DNAH17: variants seen among roughly 807,000 people sequenced by gnomAD.
The protein encoded by DNAH17 is dynein axonemal heavy chain 17.
Under a neutral mutation model 485.6 loss-of-function variants are expected in DNAH17, and 376 were observed. The observed-to-expected ratio is 0.77, with a 90% confidence interval of 0.71 to 0.84. The LOEUF is 0.84. Among genes scored for constraint, DNAH17 ranks in the 40% least tolerant of loss-of-function variants. The probability of loss-of-function intolerance (pLI) is 0.00; values close to 1 mark genes in which losing one functional copy is unlikely to be tolerated. For missense variants in DNAH17, 6,370 were observed against 5,839.3 expected, an observed-to-expected ratio of 1.09 and a Z score of -2.96; for synonymous variants, 3,031 against 2,405.9, an observed-to-expected ratio of 1.26 and a Z score of -7.60.
At position 78,437,803 on chromosome 17, in the gene DNAH17, G is replaced by A. The variant is rs2086900189; in HGVS notation, c.11871C>T (p.Gly3957=). The change falls in exon 74 of 81, where the codon GGC becomes GGT. Residue 3957 remains glycine (G), a synonymous_variant. Transcript: ENST00000389840. ...LDKKLEHYST[G]SHEDYRVFIS... ...TGAACACCCGGTAGTCCTCATGGCT[G>A]CCCGTGCTGTAGTGCTCCAGCTTCT... 1.9e-6 allele frequency: 3 copies of A among 1,612,408 alleles called. No homozygotes were observed. The highest frequency in any genetic ancestry group is 4.5e-5 in the East Asian group (2 of 44,904).
chr17:78,466,745 G>A lies in DNAH17; in HGVS notation c.8850C>T (p.Asn2950=). 4 of 1,612,716 alleles carry A rather than the reference G, an allele frequency of 2.5e-6. No homozygotes were observed. The highest frequency in any genetic ancestry group is 3.4e-6 in the Non-Finnish European group (4 of 1,179,470). The change falls in exon 56 of 81, where the codon AAC becomes AAT. Residue 2950 remains asparagine, a synonymous_variant. Coordinates refer to ENST00000389840, the MANE Select transcript of DNAH17 (RefSeq NM_173628.4). ...VRARKFPAVV[N]CTAIDWFHEW... is the part of the protein sequence containing the mutation. ...CGTGGAACCAGTCGATGGCCGTGCA[G>A]TTGACCACAGCTGGGAACTTTCTGG...
chr17:78,543,718 T>A lies in DNAH17; in HGVS notation c.2532+139A>T, dbSNP rs375262296. On this transcript the variant is annotated intron_variant, in intron 17 of 80. Coordinates refer to ENST00000389840, the MANE Select transcript of DNAH17 (RefSeq NM_173628.4). ...GGGATTACAGGTGAGAGCCACTGCA[T>A]CCAGCCAGGTCACAGACTTCTATGA... is the stretch of plus-strand genomic sequence containing the variant. 8.3e-6 allele frequency: 11 copies of A among 1,324,292 alleles called. No homozygotes were observed. The African/African-American group carries it at 1.2e-4, about 14-fold the overall frequency. 82.0% of individuals were successfully genotyped at this position (1,324,292 alleles called of 1,614,324 possible).
In DNAH17 at chr17:78,495,880, T is replaced by C; in HGVS notation, c.5898A>G (p.Leu1966=). The C allele has an allele frequency of 6.2e-7, 1 of 1,613,068 alleles. No individual in the cohort carries two copies. The highest frequency in any genetic ancestry group is 8.5e-7 in the Non-Finnish European group (1 of 1,179,424). Reference sequence around the variant, plus strand: ...CTTTCACCTGGGCCACGTACCTGAATAAGGCTTTTAGGTTCTCAGGCAGCT... The same window carrying C: ...CTTTCACCTGGGCCACGTACCTGAACAAGGCTTTTAGGTTCTCAGGCAGCT... ...RAELPENLKA[L]FRPCAMVVPD... is the part of the protein sequence containing the mutation. Residue 1966 remains leucine (L), a synonymous_variant, in exon 38 of 81, where the codon TTA becomes TTG. Transcript: ENST00000389840.
chr17:78,478,103 T>TCACCA (rs2089150770), intron 51 of DNAH17, among the ~76,000 whole-genome samples: 1 of 134,616 alleles, frequency 7.4e-6, no homozygotes, highest in Non-Finnish European at 1.6e-5. Context: ...ACCACCATCA[T>TCACCA]CATCATCTCC....
rs572377277 is a variant in DNAH17 at position 78,431,399 on chromosome 17, C to A, written c.12226-2099G>T. 1.0e-3 allele frequency among the ~76,000 whole-genome samples: 155 copies of A among 147,746 alleles called. 1 individual carries two copies. The highest frequency in any genetic ancestry group is 9.3e-4 in the Non-Finnish European group (62 of 66,996). Reference sequence around the variant, plus strand: ...CGCTCCTCAGGAGGGTTGCTTCCCGCAGGGGGTGGGGGTGAGTGCTGTCTG... The same window carrying A: ...CGCTCCTCAGGAGGGTTGCTTCCCGAAGGGGGTGGGGGTGAGTGCTGTCTG... On this transcript the variant is annotated intron_variant, in intron 75 of 80. Coordinates refer to ENST00000389840, the MANE Select transcript of DNAH17 (RefSeq NM_173628.4).
At chr17:78,478,647 C>T (rs943451190) in intron 51 of DNAH17, among the ~76,000 whole-genome samples, 9 of 148,270 alleles carry the variant, frequency 6.1e-5, no homozygotes, top group Admixed American at 2.0e-4. Context: ...ATCACCATTA[C>T]CATCACCACC....
intron 74 of DNAH17, 117 bp from the exon 75 acceptor site, chr17:78,434,337 G>A (rs978387353): frequency 3.9e-5 from 37 of 938,588 alleles, no homozygotes; most frequent in Non-Finnish European, 5.6e-5. Context: ...TGGGGGCGGT[G>A]GGGGGTACAA....
intron 69 of DNAH17, among the ~76,000 whole-genome samples, chr17:78,446,067 G>T (rs1360459376): frequency 1.3e-5 from 2 of 149,980 alleles, no homozygotes; most frequent in African/African-American, 4.9e-5. Context: ...CTAGCTACTC[G>T]GGATGCTGAG....
At chr17:78,446,188 A>AAAAG in intron 69 of DNAH17, among the ~76,000 whole-genome samples, 1 of 151,340 alleles carries the variant, frequency 6.6e-6, no homozygotes. Flanking sequence ...AAAAAAAAAA[A>AAAAG]AAAAAAAAAA....
chr17:78,437,259 G>A (rs953730818), intron 74 of DNAH17, among the ~76,000 whole-genome samples: 5 of 152,140 alleles, frequency 3.3e-5, no homozygotes, highest in Non-Finnish European at 7.3e-5. Flanking sequence ...TCCCAGGAAA[G>A]CTGACCAGCC....
At chr17:78,437,615 G>A in intron 74 of DNAH17, 26 bp downstream of exon 74, 1 of 1,566,444 alleles carries the variant, frequency 6.4e-7, no homozygotes, top group Non-Finnish European at 8.7e-7. Context: ...GGGATGGGGA[G>A]GCAGCCCGAG....
chr17:78,497,941 A>C (rs572675241), intron 37 of DNAH17, among the ~76,000 whole-genome samples: 6 of 152,194 alleles, frequency 3.9e-5, no homozygotes, highest in Non-Finnish European at 7.4e-5. Flanking sequence ...TCAGGAGTTC[A>C]AGACCAACCT....
At chr17:78,534,493 G>C (rs1340803478) in intron 19 of DNAH17, among the ~76,000 whole-genome samples, 1 of 152,212 alleles carries the variant, frequency 6.6e-6, no homozygotes, top group Non-Finnish European at 1.5e-5. Flanking sequence ...GTGTGCTTCA[G>C]AATTCAGCCA....
intron 69 of DNAH17, among the ~76,000 whole-genome samples, chr17:78,446,846 G>A (rs1157547965): frequency 6.6e-6 from 1 of 152,148 alleles, no homozygotes; most frequent in Non-Finnish European, 1.5e-5. Context: ...GTTTCACCGT[G>A]TTGGCCAGGC....
intron 7 of DNAH17, among the ~76,000 whole-genome samples, 157 bp from the exon 8 acceptor site, chr17:78,569,684 G>A (rs1192725446): frequency 1.2e-4 from 19 of 152,226 alleles, no homozygotes; most frequent in African/African-American, 4.8e-5. Context: ...TTAGGGGACC[G>A]AGCTGCTTCC....
At chr17:78,567,365 G>A (rs527781931) in intron 9 of DNAH17, among the ~76,000 whole-genome samples, 199 bp from the exon 10 acceptor site, 31 of 152,168 alleles carry the variant, frequency 2.0e-4, no homozygotes, top group African/African-American at 7.2e-4. Flanking sequence ...AGAAAGAGGG[G>A]ATGGAAGGAA....
intron 27 of DNAH17, among the ~76,000 whole-genome samples, 170 bp downstream of exon 27, chr17:78,510,214 G>A (rs533934511): frequency 2.6e-5 from 4 of 152,172 alleles, no homozygotes; most frequent in Middle Eastern, 3.4e-3. Flanking sequence ...CAAACAAATA[G>A]ATTCCAGAAT....
At chr17:78,462,196 G>A (rs1052195999) in intron 57 of DNAH17, among the ~76,000 whole-genome samples, 4 of 150,134 alleles carry the variant, frequency 2.7e-5, no homozygotes, top group Admixed American at 2.0e-4. Context: ...TTGCAGTGCC[G>A]AGCAGGGCTG....
intron 9 of DNAH17, among the ~76,000 whole-genome samples, chr17:78,567,897 TGCACCTACCAG>T (rs1262237183): frequency 6.6e-6 from 1 of 152,190 alleles, no homozygotes; most frequent in Non-Finnish European, 1.5e-5. Context: ...TCTGTGCCCC[TGCACCTACCAG>T]GCACAGTGCA....
Sources: gnomAD v4.1 joint callset for allele counts (sites outside exome capture counted in the v4.1 genomes callset) on GRCh38, gnomAD v4.1.1 for gene constraint, MANE v1.5 for transcripts, NCBI Gene and HGNC (gene_info 2026-07-23, HGNC 2026-07-21) for gene names.